NTN4: variants seen among roughly 807,000 people sequenced by gnomAD.
The protein encoded by NTN4 is netrin 4.
Under a neutral mutation model 73.6 loss-of-function variants are expected in NTN4, and 32 were observed. That is an observed-to-expected ratio of 0.44 (90% CI 0.33 to 0.58). NTN4 has a LOEUF of 0.58. NTN4 is among the 20% of genes least tolerant of loss of function. NTN4 has a pLI of 0.04. For synonymous variants in NTN4, 258 were observed against 287.5 expected (o/e 0.90, Z 1.04); for missense variants, 654 against 798.3 (o/e 0.82, Z 2.18).
At chr12:95,744,833 CT>C (rs59086846) in intron 2 of NTN4, among the ~76,000 whole-genome samples, 66,976 of 118,046 alleles carry the variant, frequency 0.57, 17,651 homozygotes, top group East Asian at 0.69. Flanking sequence ...TGGTGAAAAA[CT>C]TTTTTTTTTT....
At chr12:95,773,389 C>A (rs1321755792) in intron 2 of NTN4, among the ~76,000 whole-genome samples, 1 of 152,160 alleles carries the variant, frequency 6.6e-6, no homozygotes, top group African/African-American at 2.4e-5. Context: ...ATTGGGGCTC[C>A]TTTGAGGGAA....
intron 2 of NTN4, among the ~76,000 whole-genome samples, chr12:95,739,476 T>G (rs1219178254): frequency 6.6e-6 from 1 of 152,134 alleles, no homozygotes; most frequent in Non-Finnish European, 1.5e-5. Flanking sequence ...TATTCAAAAG[T>G]CAGTACAGAA....
At chr12:95,679,971 G>A (rs2078303188) in intron 7 of NTN4, among the ~76,000 whole-genome samples, 1 of 152,050 alleles carries the variant, frequency 6.6e-6, no homozygotes, top group South Asian at 2.1e-4. Flanking sequence ...TCTGCCACCT[G>A]TATAGCTAGC....
At chr12:95,765,781 G>A (rs533076723) in intron 2 of NTN4, among the ~76,000 whole-genome samples, 45 of 152,126 alleles carry the variant, frequency 3.0e-4, no homozygotes, top group Non-Finnish European at 5.0e-4. Flanking sequence ...TATAAAACAC[G>A]CTTATATATG....
At position 95,787,054 on chromosome 12, in the gene NTN4, T is replaced by C. The variant is rs1565920814; in HGVS notation, c.470A>G (p.Tyr157Cys). The stretch of plus-strand genomic sequence containing the variant: ...GGAGCAGTTAGTCGCAAAGTACTTA[T>C]AAGGCTTCCATGTTTTCCCAAAGTC... ...SQDFGKTWKP[Y>C]KYFATNCSAT... Residue 157 changes from tyrosine to cysteine, a missense_variant, in exon 2 of 10, where the codon TAT (tyrosine) becomes TGT (cysteine). Tyr to Cys is a radical substitution (Grantham distance 194). Coordinates refer to ENST00000343702, the MANE Select transcript of NTN4 (RefSeq NM_021229.4). 5.6e-6 allele frequency: 9 copies of C among 1,614,090 alleles called. No homozygotes were observed. Among genetic ancestry groups the C allele is most frequent in the Admixed American group, 5.0e-5 (3 of 60,004 alleles).
At chr12:95,726,599 C>A (rs1391760711) in intron 3 of NTN4, among the ~76,000 whole-genome samples, 1 of 152,070 alleles carries the variant, frequency 6.6e-6, no homozygotes, top group African/African-American at 2.4e-5. Context: ...TTTGTGTAGA[C>A]ATGTTTTCAA....
At chr12:95,706,843 G>A (rs2078525016) in intron 5 of NTN4, among the ~76,000 whole-genome samples, 1 of 152,072 alleles carries the variant, frequency 6.6e-6, no homozygotes, top group South Asian at 2.1e-4. Flanking sequence ...TGAGATCAGT[G>A]TTTCTCAAAC....
Position 95,683,585 on chromosome 12 carries a change from A to G in NTN4, c.1307T>C (p.Val436Ala). 6.2e-7 allele frequency: 1 copy of G among 1,614,176 alleles called. No homozygotes were observed. Among genetic ancestry groups the G allele is most frequent in the African/African-American group, 1.3e-5 (1 of 75,036 alleles). ...VAGRRCDRCM[V>A]GYWGFGDYGC... ...ATAGTCTCCGAAGCCCCAGTATCCC[A>G]CCATGCACCTGTCACAACGTCGCCC... The change falls in exon 6 of 10, where the codon GTG becomes GCG. Residue 436 changes from valine (V) to alanine (A), a missense_variant. Val to Ala is a moderately conservative substitution (Grantham distance 64, BLOSUM62 0). Coordinates refer to ENST00000343702, the MANE Select transcript of NTN4 (RefSeq NM_021229.4).
chr12:95,723,777 G>T (rs1156462092), intron 3 of NTN4, among the ~76,000 whole-genome samples: 1 of 152,136 alleles, frequency 6.6e-6, no homozygotes, highest in Non-Finnish European at 1.5e-5. Context: ...CTCTCAAAGT[G>T]CTGGGATTAC....
At chr12:95,698,676 C>A (rs2078459710) in intron 5 of NTN4, among the ~76,000 whole-genome samples, 1 of 151,736 alleles carries the variant, frequency 6.6e-6, no homozygotes. Context: ...ATAGTGAGAC[C>A]CTGTCTATAC....
At chr12:95,751,394 C>A (rs897150860) in intron 2 of NTN4, among the ~76,000 whole-genome samples, 13 of 152,242 alleles carry the variant, frequency 8.5e-5, no homozygotes, top group African/African-American at 3.1e-4. Flanking sequence ...CTTCCAAACG[C>A]CTGAACCGCA....
chr12:95,675,096 A>C (rs2078263284), intron 7 of NTN4, among the ~76,000 whole-genome samples: 1 of 152,236 alleles, frequency 6.6e-6, no homozygotes, highest in South Asian at 2.1e-4. Flanking sequence ...AAAATTCCAG[A>C]CTACATAGCA....
chr12:95,782,655 T>G (rs2079141767), intron 2 of NTN4, among the ~76,000 whole-genome samples: 1 of 152,228 alleles, frequency 6.6e-6, no homozygotes, highest in East Asian at 1.9e-4. Flanking sequence ...TCTTGGCTTC[T>G]CTGTACTGCT....
chr12:95,738,639 A>G (rs1422256482), intron 2 of NTN4, among the ~76,000 whole-genome samples: 1 of 152,172 alleles, frequency 6.6e-6, no homozygotes, highest in Non-Finnish European at 1.5e-5. Context: ...CCACTGGGAC[A>G]CTGTAGGCAG....
chr12:95,670,117 C>G lies in NTN4; in HGVS notation c.1540G>C (p.Gly514Arg). Residue 514 changes from glycine to arginine, a missense_variant, in exon 8 of 10, where the codon GGA (glycine) becomes CGA (arginine). Transcript: ENST00000343702. ...ATTCCACAGAATGCCTTGGCATTTC[C>G]TAATGTCTGTTCCTTACATTCGCAT... is the stretch of plus-strand genomic sequence containing the variant. ...GKCECKEQTL[G>R]NAKAFCGMKY... 6.3e-7 allele frequency: 1 copy of G among 1,598,076 alleles called. No individual in the cohort carries two copies. Among genetic ancestry groups the G allele is most frequent in the Non-Finnish European group, 8.5e-7 (1 of 1,170,688 alleles).
chr12:95,695,981 T>TCCTTCC (rs763977461), intron 5 of NTN4, among the ~76,000 whole-genome samples: 15 of 149,614 alleles, frequency 1.0e-4, no homozygotes, highest in Admixed American at 3.4e-4. Flanking sequence ...TTCTTTCCTT[T>TCCTTCC]CCTTCCCCTT....
intron 3 of NTN4, among the ~76,000 whole-genome samples, chr12:95,723,489 G>A (rs570993564): frequency 6.6e-6 from 1 of 152,076 alleles, no homozygotes; most frequent in Non-Finnish European, 1.5e-5. Context: ...ATATTGACTT[G>A]TTTTGCATCT....
intron 3 of NTN4, among the ~76,000 whole-genome samples, chr12:95,725,006 A>AT (rs1555217818): frequency 0.064 from 8,739 of 135,898 alleles, 305 homozygotes; most frequent in South Asian, 0.15. Flanking sequence ...TGTCATCAGG[A>AT]TTTTTTTTTT....
Position 95,737,997 on chromosome 12 carries a change from G to A in NTN4, c.733C>T (p.Pro245Ser). 1 of 1,614,076 alleles carries A rather than the reference G, an allele frequency of 6.2e-7. No individual in the cohort carries two copies. Among genetic ancestry groups the A allele is most frequent in the Non-Finnish European group, 8.5e-7 (1 of 1,180,000 alleles). ...ATTGCATAGTGTGTAAAATGTTGAG[G>A]CTCTTCGTTCAGGTCATTTCTCTGA... Reference protein sequence around the residue: ...PCQRNDLNEEPQHFTHYAIYD... With the variant: ...PCQRNDLNEESQHFTHYAIYD... The change falls in exon 3 of 10, where the codon CCT (proline) becomes TCT (serine). Residue 245 changes from proline (P) to serine (S), a missense_variant. Transcript: ENST00000343702.
Sources: allele counts gnomAD v4.1 joint callset (sites outside exome capture counted in the v4.1 genomes callset), GRCh38; gene constraint gnomAD v4.1.1; transcripts MANE v1.5; gene names NCBI Gene and HGNC (gene_info 2026-07-23, HGNC 2026-07-21).